Variants in TRPC4AP observed in about 807,000 individuals in gnomAD.
The protein encoded by TRPC4AP is transient receptor potential cation channel subfamily C member 4 associated protein, also known as short transient receptor potential channel 4-associated protein.
TRPC4AP carries 45 observed loss-of-function variants against 99.0 expected under a neutral mutation model. That is an observed-to-expected ratio of 0.45 (90% confidence interval 0.36 to 0.58). TRPC4AP has a LOEUF of 0.58. Among genes scored for constraint, TRPC4AP ranks in the 20% least tolerant of loss-of-function variants. TRPC4AP has a pLI of 0.00. For missense variants in TRPC4AP, 879 were observed against 985.3 expected (o/e 0.89, Z 1.44); for synonymous variants, 408 against 385.8 (o/e 1.06, Z -0.67).
chr20:35,058,372 A>G (rs555801210), intron 3 of TRPC4AP, among the ~76,000 whole-genome samples: 1 of 152,370 alleles, frequency 6.6e-6, no homozygotes, highest in East Asian at 1.9e-4. Context: ...TCAAGTGCAC[A>G]TGAAACATTC....
At chr20:35,049,043 A>G (rs2083630074) in intron 6 of TRPC4AP, among the ~76,000 whole-genome samples, 1 of 152,168 alleles carries the variant, frequency 6.6e-6, no homozygotes, top group African/African-American at 2.4e-5. Flanking sequence ...AACCTCTAGG[A>G]GGCTGCTCAA....
intron 3 of TRPC4AP, among the ~76,000 whole-genome samples, chr20:35,057,885 T>A (rs1373758098): frequency 6.6e-6 from 1 of 152,268 alleles, no homozygotes; most frequent in Non-Finnish European, 1.5e-5. Flanking sequence ...ACATTATTAC[T>A]ATGATTCTTC....
chr20:35,026,222 G>GT (rs35794517), intron 8 of TRPC4AP, among the ~76,000 whole-genome samples: 76,499 of 146,920 alleles, frequency 0.52, 20,129 homozygotes, highest in East Asian at 0.67. Flanking sequence ...GTCTTAGGTT[G>GT]TTTTTTTTTT....
At chr20:35,026,152 C>T (rs566513325) in intron 8 of TRPC4AP, among the ~76,000 whole-genome samples, 4 of 152,132 alleles carry the variant, frequency 2.6e-5, no homozygotes, top group African/African-American at 9.6e-5. Context: ...TATCCTCAGG[C>T]CAGCAGCATA....
chr20:35,035,785 T>A (rs554247962), intron 7 of TRPC4AP, among the ~76,000 whole-genome samples: 2 of 151,960 alleles, frequency 1.3e-5, no homozygotes, highest in Non-Finnish European at 2.9e-5. Flanking sequence ...TGATGACACA[T>A]ACATCTTTAT....
In TRPC4AP at chr20:35,053,587, T is replaced by C. The variant is rs139428496; in HGVS notation, c.528+1389A>G. Among the ~76,000 whole-genome samples, 5 of 152,326 alleles carry C rather than the reference T, an allele frequency of 3.3e-5. No homozygotes were observed. The East Asian group carries it at 9.6e-4, about 29-fold the overall frequency. On this transcript the variant is annotated intron_variant, in intron 5 of 18. Transcript: ENST00000252015. ...CTGTGCCTATCTCTGTCATTGGCTA[T>C]ACATGGCTACCGAGCACTTAAAAGG... is the stretch of plus-strand genomic sequence containing the variant.
At chr20:35,044,484 C>G in intron 7 of TRPC4AP, 21 bp downstream of exon 7, 1 of 1,603,756 alleles carries the variant, frequency 6.2e-7, no homozygotes, top group Non-Finnish European at 8.5e-7. Context: ...TCTCAAAATT[C>G]TGAGAACTTG....
At chr20:35,017,606 A>C (rs2082784711) in intron 9 of TRPC4AP, among the ~76,000 whole-genome samples, 1 of 152,154 alleles carries the variant, frequency 6.6e-6, no homozygotes. Flanking sequence ...GTTCAGCAAG[A>C]CCAGCCTGGG....
intron 1 of TRPC4AP, among the ~76,000 whole-genome samples, chr20:35,085,790 C>G (rs1353340909): frequency 6.6e-6 from 1 of 152,082 alleles, no homozygotes; most frequent in Non-Finnish European, 1.5e-5. Flanking sequence ...ACATCATACC[C>G]TCTAAACTGT....
At chr20:35,025,350 GA>G (rs2083001943) in intron 8 of TRPC4AP, among the ~76,000 whole-genome samples, 2 of 152,008 alleles carry the variant, frequency 1.3e-5, no homozygotes, top group Non-Finnish European at 2.9e-5. Flanking sequence ...CTGGCTAACC[GA>G]AACAAAATTT....
chr20:35,040,222 T>C (rs2083416670), intron 7 of TRPC4AP, among the ~76,000 whole-genome samples: 2 of 152,126 alleles, frequency 1.3e-5, no homozygotes, highest in South Asian at 2.1e-4. Context: ...GATGCCTACA[T>C]GGCTGGCACA....
Position 35,080,808 on chromosome 20 carries a change from T to TG in TRPC4AP, c.169-2635_169-2634insC, listed in dbSNP as rs58763520. 3.4e-4 allele frequency among the ~76,000 whole-genome samples: 51 copies of TG among 148,698 alleles called. 1 individual carries two copies. Among genetic ancestry groups the TG allele is most frequent in the East Asian group, 3.0e-3 (15 of 5,072 alleles). On this transcript the variant is annotated intron_variant, in intron 1 of 18. Coordinates refer to ENST00000252015, the MANE Select transcript of TRPC4AP (RefSeq NM_015638.3). ...ACCACTGACTTGTACACTTCAGTTT[T>TG]TTTTTTTTTTACCCTTTTATCTCCT...
At chr20:35,032,723 C>A (rs1295186728) in intron 8 of TRPC4AP, among the ~76,000 whole-genome samples, 2 of 152,086 alleles carry the variant, frequency 1.3e-5, no homozygotes, top group African/African-American at 2.4e-5. Context: ...CCGCCCGCCT[C>A]AGCCTCCCAA....
chr20:35,082,561 A>G (rs767151603), intron 1 of TRPC4AP, among the ~76,000 whole-genome samples: 6 of 152,240 alleles, frequency 3.9e-5, no homozygotes, highest in Non-Finnish European at 8.8e-5. Flanking sequence ...AGGTACAACT[A>G]AAGCCATGCT....
intron 5 of TRPC4AP, among the ~76,000 whole-genome samples, chr20:35,052,788 G>A (rs755688964): frequency 2.0e-5 from 3 of 152,100 alleles, no homozygotes; most frequent in Admixed American, 6.5e-5. Context: ...CACCGTGCCC[G>A]GCCAACAGTA....
intron 1 of TRPC4AP, among the ~76,000 whole-genome samples, chr20:35,084,040 C>G (rs938290652): frequency 1.3e-5 from 2 of 151,866 alleles, no homozygotes; most frequent in African/African-American, 4.8e-5. Flanking sequence ...TGGCTCACAC[C>G]TGTAATCCCA....
At chr20:35,042,458 G>T (rs2083463743) in intron 7 of TRPC4AP, among the ~76,000 whole-genome samples, 1 of 152,196 alleles carries the variant, frequency 6.6e-6, no homozygotes, top group Admixed American at 6.5e-5. Context: ...CCTGGGGAAT[G>T]CACACAACTG....
chr20:35,075,514 T>C (rs1028064070), intron 2 of TRPC4AP, among the ~76,000 whole-genome samples: 4 of 152,210 alleles, frequency 2.6e-5, no homozygotes, highest in South Asian at 2.1e-4. Flanking sequence ...CCTTCACTTA[T>C]GAAGCTTAGT....
In TRPC4AP at chr20:35,092,676, T is replaced by C; in HGVS notation, c.106A>G (p.Asn36Asp). The C allele has an allele frequency of 6.5e-7, 1 of 1,527,788 alleles. No homozygotes were observed. The allele number at this position is 1,527,788 out of a possible 1,614,324, so 94.6% of individuals were successfully genotyped here. A position where few individuals can be genotyped will look rare whatever the true frequency, so the allele number is the denominator to read the frequency against. Residue 36 changes from asparagine (N) to aspartate (D), a missense_variant, in exon 1 of 19, where the codon AAC (asparagine) becomes GAC (aspartate). This residue lies in a region of TRPC4AP where 603 missense variants were observed against 631.8 expected (regional missense o/e 0.95). Coordinates refer to ENST00000252015, the MANE Select transcript of TRPC4AP (RefSeq NM_015638.3). ...GGWGGRPRPG[N>D]ILLQLRQGQL... The stretch of plus-strand genomic sequence containing the variant: ...CCCTGCCGCAGCTGCAGCAGAATGT[T>C]ACCAGGCCGCGGCCGGCCGCCCCAT...
Sources: gnomAD v4.1 joint callset for allele counts (sites outside exome capture counted in the v4.1 genomes callset) on GRCh38, gnomAD v4.1.1 for gene constraint, gnomAD v4.1.1 regional missense constraint, MANE v1.5 for transcripts, NCBI Gene and HGNC (gene_info 2026-07-23, HGNC 2026-07-21) for gene names.